ADGRV1: variants seen among roughly 807,000 people sequenced by gnomAD.
The protein encoded by ADGRV1 is adhesion G protein-coupled receptor V1.
In ADGRV1, 359 loss-of-function variants were observed where a neutral mutation model predicts 596.2. The observed-to-expected ratio is 0.60, with a 90% confidence interval of 0.55 to 0.66. ADGRV1 has a LOEUF of 0.66. ADGRV1 is among the 30% of genes least tolerant of loss of function. The pLI, the probability that ADGRV1 is intolerant of heterozygous loss-of-function variation, is 0.00. For synonymous variants in ADGRV1, 2,681 were observed against 2,679.2 expected, an observed-to-expected ratio of 1.00 and a Z score of -0.02; for missense variants, 7,274 against 7,575.6, an observed-to-expected ratio of 0.96 and a Z score of 1.48.
intron 39 of ADGRV1, among the ~76,000 whole-genome samples, chr5:90,709,753 T>C (rs1370479126): frequency 6.6e-6 from 1 of 152,246 alleles, no homozygotes; most frequent in Non-Finnish European, 1.5e-5. Flanking sequence ...ATGATTCCAA[T>C]GAGTAGGCTG....
chr5:90,652,378 T>C lies in ADGRV1; in HGVS notation c.3449T>C (p.Val1150Ala), dbSNP rs780543678. 6.2e-7 allele frequency: 1 copy of C among 1,607,808 alleles called. No homozygotes were observed. The highest frequency in any genetic ancestry group is 1.1e-5 in the South Asian group (1 of 88,486). ...ILRHRGYFGS[V>A]SVSWQLFQND... ...AGGCACCGAGGATACTTTGGTAGTGTTTCTGTATCTTGGCAGCTCTTTCAG... is the reference window on the plus strand; with the variant it reads ...AGGCACCGAGGATACTTTGGTAGTGCTTCTGTATCTTGGCAGCTCTTTCAG... The change falls in exon 19 of 90, where the codon GTT (valine) becomes GCT (alanine). Residue 1150 changes from valine (V) to alanine (A), a missense_variant. Coordinates refer to ENST00000405460, the MANE Select transcript of ADGRV1 (RefSeq NM_032119.4).
intron 64 of ADGRV1, 165 bp downstream of exon 64, chr5:90,779,262 G>T (rs1656279378): frequency 6.9e-6 from 3 of 435,992 alleles, no homozygotes; most frequent in African/African-American, 2.0e-5. Context: ...TTATGACAAT[G>T]ACTGAGTTTT....
intron 83 of ADGRV1, among the ~76,000 whole-genome samples, chr5:90,913,889 T>G (rs957426817): frequency 1.3e-5 from 2 of 152,204 alleles, no homozygotes; most frequent in African/African-American, 4.8e-5. Context: ...TTGTCCTGCC[T>G]CAACATCATA....
rs1330452360 is a variant in ADGRV1 at position 90,629,666 on chromosome 5, G to A, written c.1839+127G>A. 5 of 684,342 alleles carry A rather than the reference G, an allele frequency of 7.3e-6. No homozygotes were observed. In the Admixed American group the frequency reaches 8.8e-5, roughly 12 times the overall value. 42.4% of individuals were successfully genotyped at this position (684,342 alleles called of 1,614,324 possible). ...CGTCATTTATATGTTGTTACTAAAA[G>A]TTGTTTAGGTAGTCGGAAGAGAGAT... On this transcript the variant is annotated intron_variant, in intron 9 of 89. Transcript: ENST00000405460.
At chr5:90,935,738 G>A (rs935141138) in intron 83 of ADGRV1, among the ~76,000 whole-genome samples, 2 of 152,216 alleles carry the variant, frequency 1.3e-5, no homozygotes, top group African/African-American at 4.8e-5. Flanking sequence ...GTGTCCGAAT[G>A]TCATATGACT....
At chr5:90,720,303 G>A (rs1750745399) in intron 44 of ADGRV1, 80 bp downstream of exon 44, 1 of 892,996 alleles carries the variant, frequency 1.1e-6, no homozygotes, top group Non-Finnish European at 1.6e-6. Flanking sequence ...AATGCAGAAG[G>A]AAATTGATAT....
rs547178902 is a variant in ADGRV1, at chr5:90,856,022, A to T, written c.17755+121A>T. The T allele has an allele frequency of 2.5e-5, 20 of 802,992 alleles. No homozygotes were observed. The African/African-American group carries it at 3.4e-4, about 14-fold the overall frequency. The allele number at this position is 802,992 out of a possible 1,614,324, so 49.7% of individuals were successfully genotyped here. On this transcript the variant is annotated intron_variant, in intron 82 of 89. Coordinates refer to ENST00000405460, the MANE Select transcript of ADGRV1 (RefSeq NM_032119.4). ...TACCGTAATTCATCAGCACTAGAAG[A>T]ATACAAATTTTTCGTTGTCTTAGTC...
At chr5:90,780,138 TG>T (rs1402191435) in intron 64 of ADGRV1, 2 of 152,234 alleles carry the variant, frequency 1.3e-5, no homozygotes, top group Non-Finnish European at 1.5e-5. Context: ...ATCATATTTG[TG>T]TTACTGACCA....
At chr5:91,082,605 A>T (rs1210920745) in intron 86 of ADGRV1, among the ~76,000 whole-genome samples, 1 of 152,192 alleles carries the variant, frequency 6.6e-6, no homozygotes, top group Non-Finnish European at 1.5e-5. Context: ...CCGATTTTTT[A>T]AAATGTATCT....
At chr5:90,614,551 C>T (rs1222507944) in intron 1 of ADGRV1, among the ~76,000 whole-genome samples, 1 of 151,938 alleles carries the variant, frequency 6.6e-6, no homozygotes, top group Non-Finnish European at 1.5e-5. Context: ...TTTACATGAA[C>T]TAAATTTAAT....
Position 90,665,383 on chromosome 5 carries a change from T to A in ADGRV1, c.4752+7105T>A, listed in dbSNP as rs918978215. Among the ~76,000 whole-genome samples the A allele has an allele frequency of 3.0e-4, 45 of 151,720 alleles. 1 individual carries two copies. The South Asian group carries it at 6.4e-3, about 22-fold the overall frequency. Reference sequence around the variant, plus strand: ...AGGAATTTATCCATTTCTTCTAGATTTTCTAGTTTATTTGCGTAGAGGTGT... The same window carrying A: ...AGGAATTTATCCATTTCTTCTAGATATTCTAGTTTATTTGCGTAGAGGTGT... On this transcript the variant is annotated intron_variant, in intron 21 of 89. Coordinates refer to ENST00000405460, the MANE Select transcript of ADGRV1 (RefSeq NM_032119.4).
chr5:90,849,747 T>G lies in ADGRV1; in HGVS notation c.17204+926T>G, dbSNP rs562129144. Among the ~76,000 whole-genome samples the G allele has an allele frequency of 4.6e-5, 7 of 152,174 alleles. No homozygotes were observed. In the East Asian group the frequency reaches 7.7e-4, roughly 17 times the overall value. ...AGTTCAAAGAGATAGTCAATCCAGA[T>G]AGAAAAAAGTTATAAGAACAAGGAA... On this transcript the variant is annotated intron_variant, in intron 79 of 89. Transcript: ENST00000405460.
chr5:91,113,561 T>C (rs1185597586), intron 87 of ADGRV1, among the ~76,000 whole-genome samples: 1 of 152,214 alleles, frequency 6.6e-6, no homozygotes, highest in Non-Finnish European at 1.5e-5. Context: ...AGTTGTTCCA[T>C]AATTATAGTC....
At chr5:90,650,699 A>G (rs1475957722) in intron 17 of ADGRV1, among the ~76,000 whole-genome samples, 1 of 151,868 alleles carries the variant, frequency 6.6e-6, no homozygotes, top group Non-Finnish European at 1.5e-5. Flanking sequence ...AGCTTATAGT[A>G]AAATTATGTG....
At chr5:90,819,331 G>C (rs886299678) in intron 75 of ADGRV1, among the ~76,000 whole-genome samples, 2 of 151,136 alleles carry the variant, frequency 1.3e-5, no homozygotes, top group African/African-American at 4.9e-5. Flanking sequence ...TCTTGCTAGC[G>C]GTCTATCTAT....
intron 1 of ADGRV1, among the ~76,000 whole-genome samples, chr5:90,611,029 C>T (rs1055688222): frequency 6.6e-6 from 1 of 151,306 alleles, no homozygotes; most frequent in Admixed American, 6.6e-5. Flanking sequence ...CTTTGATTGA[C>T]CTGATCTGAA....
At chr5:90,679,152 T>A (rs1744617683) in intron 25 of ADGRV1, among the ~76,000 whole-genome samples, 1 of 152,162 alleles carries the variant, frequency 6.6e-6, no homozygotes, top group Non-Finnish European at 1.5e-5. Flanking sequence ...CTGGTTGTTG[T>A]GAATGGTAAG....
At chr5:90,732,176 A>G (rs946172603) in intron 50 of ADGRV1, among the ~76,000 whole-genome samples, 8 of 152,090 alleles carry the variant, frequency 5.3e-5, no homozygotes, top group African/African-American at 1.7e-4. Context: ...AATTAAAAAA[A>G]AGTTTTTTTT....
intron 85 of ADGRV1, among the ~76,000 whole-genome samples, chr5:91,063,855 G>A (rs923551841): frequency 6.6e-6 from 1 of 152,006 alleles, no homozygotes; most frequent in East Asian, 1.9e-4. Flanking sequence ...GCTGGTGGTG[G>A]TGGTGGTGGT....
Sources: allele counts gnomAD v4.1 joint callset (sites outside exome capture counted in the v4.1 genomes callset), GRCh38; gene constraint gnomAD v4.1.1; transcripts MANE v1.5; gene names NCBI Gene and HGNC (gene_info 2026-07-23, HGNC 2026-07-21).